The following STARD13 variants were observed in gnomAD, a reference collection of about 807,000 sequenced individuals.
STARD13 encodes stAR-related lipid transfer protein 13.
A neutral mutation model predicts 106.4 loss-of-function variants in STARD13; 62 were observed. That is an observed-to-expected ratio of 0.58 (90% CI 0.48 to 0.72). STARD13 has a LOEUF of 0.72. Ranked by LOEUF, STARD13 falls within the 30% of genes least tolerant of loss-of-function variation. STARD13 has a pLI of 0.00. For missense variants in STARD13, 1,387 were observed against 1,424.0 expected, an observed-to-expected ratio of 0.97 and a Z score of 0.42; for synonymous variants, 565 against 553.0, an observed-to-expected ratio of 1.02 and a Z score of -0.31.
intron 1 of STARD13, among the ~76,000 whole-genome samples, chr13:33,284,434 T>C (rs1250980552): frequency 6.6e-6 from 1 of 152,232 alleles, no homozygotes; most frequent in Non-Finnish European, 1.5e-5. Flanking sequence ...TGTATTTTTA[T>C]AATGGCTCTA....
chr13:33,245,862 T>C lies in STARD13; in HGVS notation c.169+39608A>G, dbSNP rs1405259715. On this transcript the variant is annotated intron_variant, in intron 1 of 13. Transcript: ENST00000336934. The stretch of plus-strand genomic sequence containing the variant: ...TTTTCTTTCATTCTCCCCCAACCTT[T>C]TTTGTAAAGTAATTTATAGGGAGTT... Among the ~76,000 whole-genome samples, 3 of 152,204 alleles carry C rather than the reference T, an allele frequency of 2.0e-5. No individual in the cohort carries two copies. The East Asian group carries it at 5.8e-4, about 29-fold the overall frequency.
intron 1 of STARD13, among the ~76,000 whole-genome samples, chr13:33,307,752 C>T (rs571859412): frequency 1.3e-5 from 2 of 152,180 alleles, no homozygotes; most frequent in South Asian, 4.2e-4. Context: ...CAGCAAACCT[C>T]CATGGTACAC....
Position 33,124,354 on chromosome 13 carries a change from G to A in STARD13, c.2082+1727C>T, listed in dbSNP as rs188018211. ...GTGAAAGTCCCTTCGATGTCCTACG[G>A]ATTCTCCCATGTGACTGACGCGAGA... On this transcript the variant is annotated intron_variant, in intron 7 of 13. Transcript: ENST00000336934. Among the ~76,000 whole-genome samples the A allele has an allele frequency of 3.7e-3, 559 of 152,328 alleles. 1 individual carries two copies. Among genetic ancestry groups the A allele is most frequent in the Non-Finnish European group, 6.2e-3 (423 of 68,030 alleles).
chr13:33,316,653 T>C (rs1388546429), intron 1 of STARD13, among the ~76,000 whole-genome samples: 1 of 152,204 alleles, frequency 6.6e-6, no homozygotes, highest in Non-Finnish European at 1.5e-5. Context: ...TTGTGCTCTT[T>C]CCAAGCTATT....
chr13:33,523,826 T>C, the STARD13 span, among the ~76,000 whole-genome samples: 2 of 152,122 alleles, frequency 1.3e-5, no homozygotes, highest in Non-Finnish European at 2.9e-5. Context: ...ATTCCCACTC[T>C]TATGCCTCTT....
the STARD13 span, among the ~76,000 whole-genome samples, chr13:33,465,821 T>C: frequency 0.48 from 73,417 of 151,854 alleles, 18,001 homozygotes; most frequent in African/African-American, 0.56. Flanking sequence ...ATAATGTCTA[T>C]TACATTAACG....
chr13:33,106,808 C>G lies in STARD13; in HGVS notation c.3174G>C (p.Pro1058=). 6.2e-7 allele frequency: 1 copy of G among 1,614,044 alleles called. No homozygotes were observed. The highest frequency in any genetic ancestry group is 8.5e-7 in the Non-Finnish European group (1 of 1,179,940). Residue 1058 remains proline, a synonymous_variant, in exon 13 of 14, where the codon CCG becomes CCC. Transcript: ENST00000336934. Reference sequence around the variant, plus strand: ...TCAGTCTTGACTTGCCAGAGCCACACGGTTCTATCAAGTACTGCGAGTCCA... The same window carrying G: ...TCAGTCTTGACTTGCCAGAGCCACAGGGTTCTATCAAGTACTGCGAGTCCA... ...VVMDSQYLIE[P]CGSGKSRLTH... is the part of the protein sequence containing the mutation.
the STARD13 span, among the ~76,000 whole-genome samples, chr13:33,390,950 A>G: frequency 4.6e-5 from 7 of 152,160 alleles, no homozygotes; most frequent in Non-Finnish European, 1.5e-5. Flanking sequence ...TTAACAGGAC[A>G]TACTGATTTT....
At chr13:33,447,213 G>A in the STARD13 span, among the ~76,000 whole-genome samples, 16 of 152,288 alleles carry the variant, frequency 1.1e-4, no homozygotes, top group South Asian at 6.2e-4. Flanking sequence ...GCAAGAAACC[G>A]CAAGGACCTA....
At chr13:33,598,791 C>G in the STARD13 span, among the ~76,000 whole-genome samples, 1 of 152,252 alleles carries the variant, frequency 6.6e-6, no homozygotes, top group Non-Finnish European at 1.5e-5. Flanking sequence ...CGTCCCTAAA[C>G]TTCTAAACAG....
At chr13:33,257,420 C>G (rs1259738326) in intron 1 of STARD13, among the ~76,000 whole-genome samples, 1 of 152,130 alleles carries the variant, frequency 6.6e-6, no homozygotes, top group Non-Finnish European at 1.5e-5. Flanking sequence ...TACTGAATGC[C>G]AAGCATGGTA....
At chr13:33,440,114 CA>C in the STARD13 span, among the ~76,000 whole-genome samples, 1 of 151,766 alleles carries the variant, frequency 6.6e-6, no homozygotes, top group East Asian at 1.9e-4. Flanking sequence ...CCCTGCTCTA[CA>C]AAAAAATTTT....
chr13:33,491,951 C>T, the STARD13 span, among the ~76,000 whole-genome samples: 2 of 151,900 alleles, frequency 1.3e-5, no homozygotes, highest in South Asian at 2.1e-4. Flanking sequence ...GGGCTGAGTC[C>T]GAAAAGAGAG....
chr13:33,128,135 CAG>C (rs1321178866), intron 5 of STARD13, among the ~76,000 whole-genome samples: 2 of 151,374 alleles, frequency 1.3e-5, no homozygotes, highest in Non-Finnish European at 2.9e-5. Context: ...GCAATATAGA[CAG>C]AGGACAGACA....
the STARD13 span, among the ~76,000 whole-genome samples, chr13:33,570,024 T>A: frequency 1.6e-4 from 24 of 147,202 alleles, 1 homozygote; most frequent in Non-Finnish European, 2.9e-4. Context: ...AAAGAACTTA[T>A]TATCCACGTA....
intron 3 of STARD13, among the ~76,000 whole-genome samples, chr13:33,143,749 C>A (rs779432203): frequency 6.6e-6 from 1 of 152,086 alleles, no homozygotes; most frequent in Non-Finnish European, 1.5e-5. Context: ...GATGGGGTTT[C>A]ACCATGTTGG....
At chr13:33,222,274 G>A (rs774536770) in intron 1 of STARD13, among the ~76,000 whole-genome samples, 1 of 152,186 alleles carries the variant, frequency 6.6e-6, no homozygotes, top group East Asian at 1.9e-4. Context: ...CAAACTCATT[G>A]AAACAAAGTC....
downstream of STARD13, among the ~76,000 whole-genome samples, chr13:33,347,987 T>C (rs2078034677): frequency 6.6e-6 from 1 of 152,214 alleles, no homozygotes; most frequent in African/African-American, 2.4e-5. Context: ...AAAATCAATT[T>C]GCATCTAAAA....
the STARD13 span, among the ~76,000 whole-genome samples, chr13:33,571,777 C>A: frequency 0.023 from 3,511 of 152,188 alleles, 135 homozygotes; most frequent in African/African-American, 0.079. Context: ...GAAATAACTG[C>A]TTGCTGTTTG....
Sources: allele counts gnomAD v4.1 joint callset (sites outside exome capture counted in the v4.1 genomes callset), GRCh38; gene constraint gnomAD v4.1.1; transcripts MANE v1.5; gene names NCBI Gene and HGNC (gene_info 2026-07-23, HGNC 2026-07-21).